DLG2: variants seen among roughly 807,000 people sequenced by gnomAD.
The protein encoded by DLG2 is discs large MAGUK scaffold protein 2.
DLG2 carries 45 observed loss-of-function variants against 132.5 expected under a neutral mutation model. The ratio of observed to expected loss-of-function variants is 0.34; its 90% confidence interval spans 0.27 to 0.44. DLG2 has a LOEUF of 0.44. Among genes scored for constraint, DLG2 ranks in the 20% least tolerant of loss-of-function variants. The probability of loss-of-function intolerance (pLI) is 1.00; values close to 1 mark genes in which losing one functional copy is unlikely to be tolerated. For synonymous variants in DLG2, 424 were observed against 419.6 expected, an observed-to-expected ratio of 1.01 and a Z score of -0.13; for missense variants, 1,045 against 1,196.9, an observed-to-expected ratio of 0.87 and a Z score of 1.87.
intron 19 of DLG2, among the ~76,000 whole-genome samples, chr11:83,543,146 C>CTG (rs1471795190): frequency 6.6e-6 from 1 of 152,128 alleles, no homozygotes; most frequent in Non-Finnish European, 1.5e-5. Context: ...TTCATTAACA[C>CTG]TGTCTCCCAG....
In DLG2 at chr11:85,311,501, T is replaced by C. The variant is rs201509248; in HGVS notation, c.41-26136A>G. Among the ~76,000 whole-genome samples the C allele has an allele frequency of 9.2e-5, 14 of 152,222 alleles. No individual in the cohort carries two copies. The East Asian group carries it at 2.1e-3, about 23-fold the overall frequency. On this transcript the variant is annotated intron_variant, in intron 3 of 27. Coordinates refer to ENST00000376104, the MANE Select transcript of DLG2 (RefSeq NM_001142699.3). The stretch of plus-strand genomic sequence containing the variant: ...ATCCTATAATACTTCCAAAAATCAA[T>C]AGAATCATGACATCTTCCAGTAAGT...
chr11:83,904,402 T>C (rs1436429303), intron 15 of DLG2, among the ~76,000 whole-genome samples: 1 of 152,130 alleles, frequency 6.6e-6, no homozygotes, highest in Non-Finnish European at 1.5e-5. Context: ...AAAAAGTTTA[T>C]GATGTAAAAG....
chr11:83,975,064 C>T (rs993090478), intron 12 of DLG2, among the ~76,000 whole-genome samples: 5 of 152,016 alleles, frequency 3.3e-5, no homozygotes, highest in Non-Finnish European at 5.9e-5. Flanking sequence ...CTAATGCTGT[C>T]CCTGCAGAGA....
intron 18 of DLG2, among the ~76,000 whole-genome samples, chr11:83,770,367 G>C (rs922284318): frequency 6.6e-6 from 1 of 151,200 alleles, no homozygotes; most frequent in Non-Finnish European, 1.5e-5. Context: ...GAAAGTAAAG[G>C]TGTGTTAAGT....
chr11:83,960,751 G>A (rs2088466581), intron 14 of DLG2, among the ~76,000 whole-genome samples: 3 of 152,018 alleles, frequency 2.0e-5, no homozygotes, highest in Admixed American at 6.6e-5. Flanking sequence ...ATTTATGAAT[G>A]AGAAAGTGAA....
chr11:83,512,483 C>T (rs2095080462), intron 21 of DLG2, among the ~76,000 whole-genome samples: 1 of 152,064 alleles, frequency 6.6e-6, no homozygotes, highest in South Asian at 2.1e-4. Flanking sequence ...ATCATTTAAC[C>T]AGCAACTTTA....
intron 19 of DLG2, among the ~76,000 whole-genome samples, chr11:83,551,166 G>A (rs1212829145): frequency 6.6e-6 from 1 of 151,928 alleles, no homozygotes; most frequent in Non-Finnish European, 1.5e-5. Context: ...TGTCCGACAG[G>A]GTCCTTATAA....
chr11:85,209,683 A>T (rs1035649049), intron 4 of DLG2, among the ~76,000 whole-genome samples: 9 of 143,606 alleles, frequency 6.3e-5, no homozygotes, highest in African/African-American at 2.3e-4. Flanking sequence ...CAAGTAATCC[A>T]CCCGCCTCGG....
At chr11:84,806,266 G>T (rs939067862) in intron 6 of DLG2, among the ~76,000 whole-genome samples, 3 of 151,920 alleles carry the variant, frequency 2.0e-5, no homozygotes, top group African/African-American at 7.3e-5. Flanking sequence ...AGCACTCAAA[G>T]AAAACATGGC....
At chr11:85,345,779 T>C (rs1320616009) in intron 3 of DLG2, among the ~76,000 whole-genome samples, 2 of 152,094 alleles carry the variant, frequency 1.3e-5, no homozygotes, top group Non-Finnish European at 2.9e-5. Context: ...AAAATTACCA[T>C]TGAGAATTGT....
At position 84,961,769 on chromosome 11, in the gene DLG2, C is replaced by T. The variant is rs551861798; in HGVS notation, c.357+149892G>A. Among the ~76,000 whole-genome samples, 10 of 152,258 alleles carry T rather than the reference C, an allele frequency of 6.6e-5. No individual in the cohort carries two copies. In the South Asian group the frequency reaches 2.1e-3, roughly 32 times the overall value. On this transcript the variant is annotated intron_variant, in intron 6 of 27. Transcript: ENST00000376104. ...CAACTTTCACTTAAAGGCAGTTTTTCAAGCACTACGCAAATGAATGCATAA... is the reference window on the plus strand; with the variant it reads ...CAACTTTCACTTAAAGGCAGTTTTTTAAGCACTACGCAAATGAATGCATAA...
chr11:83,484,646 A>AAAAG (rs1491504903), intron 21 of DLG2, among the ~76,000 whole-genome samples: 1 of 152,184 alleles, frequency 6.6e-6, no homozygotes, highest in African/African-American at 2.4e-5. Flanking sequence ...TGAGACTCAC[A>AAAAG]AAAGACAATG....
intron 3 of DLG2, among the ~76,000 whole-genome samples, chr11:85,307,547 C>A (rs1366532377): frequency 6.6e-6 from 1 of 152,140 alleles, no homozygotes; most frequent in Non-Finnish European, 1.5e-5. Flanking sequence ...GAGCCAAACT[C>A]ATAATGAGGT....
chr11:85,021,572 C>T, intron 6 of DLG2: 1 of 1,584,502 alleles, frequency 6.3e-7, no homozygotes, highest in Non-Finnish European at 8.7e-7. Context: ...GATTTCTTGA[C>T]CACAAGAGTG....
Position 85,191,158 on chromosome 11 carries a change from GCGCGCA to G in DLG2, c.187-36513_187-36508del, listed in dbSNP as rs1171695935. ...TCTATATGCATGCGCGCGCGCGCAC[GCGCGCA>G]CACACACACACACACACACACACAC... is the stretch of plus-strand genomic sequence containing the variant. On this transcript the variant is annotated intron_variant, in intron 4 of 27. Transcript: ENST00000376104. 1.5e-3 allele frequency among the ~76,000 whole-genome samples: 171 copies of G among 113,420 alleles called. 3 individuals are homozygous for G. Among genetic ancestry groups the G allele is most frequent in the South Asian group, 7.4e-3 (21 of 2,846 alleles). The allele number at this position is 113,420 out of a possible 152,430, so 74.4% of individuals were successfully genotyped here.
chr11:85,330,806 A>T (rs1193493307), intron 3 of DLG2, among the ~76,000 whole-genome samples: 1 of 150,342 alleles, frequency 6.7e-6, no homozygotes, highest in East Asian at 1.9e-4. Flanking sequence ...AAAAAAAAAA[A>T]AAAAAAGAAA....
intron 7 of DLG2, among the ~76,000 whole-genome samples, chr11:84,452,939 T>A (rs1455388652): frequency 6.6e-6 from 1 of 151,480 alleles, no homozygotes; most frequent in Non-Finnish European, 1.5e-5. Context: ...CTCAGAAAAA[T>A]ATATTTAAAA....
At position 85,308,036 on chromosome 11, in the gene DLG2, T is replaced by A. The variant is rs77474997; in HGVS notation, c.41-22671A>T. Among the ~76,000 whole-genome samples the A allele has an allele frequency of 3.9e-5, 6 of 151,968 alleles. No homozygotes were observed. The East Asian group carries it at 1.2e-3, about 29-fold the overall frequency. ...TGGGTGTGGTGGCACATGCCTCTAA[T>A]CCCAGCTACTCAGAGGCTGAGGCAG... On this transcript the variant is annotated intron_variant, in intron 3 of 27. Transcript: ENST00000376104.
chr11:84,360,287 G>GAC (rs946124100), intron 7 of DLG2, among the ~76,000 whole-genome samples: 7 of 151,842 alleles, frequency 4.6e-5, no homozygotes, highest in African/African-American at 1.7e-4. Flanking sequence ...GTTTGAAGAA[G>GAC]ACAATCAAGG....
Sources: allele counts gnomAD v4.1 joint callset (sites outside exome capture counted in the v4.1 genomes callset), GRCh38; gene constraint gnomAD v4.1.1; transcripts MANE v1.5; gene names NCBI Gene and HGNC (gene_info 2026-07-23, HGNC 2026-07-21).